Variants in PTPRT observed in about 807,000 individuals in gnomAD.
The protein encoded by PTPRT is receptor-type tyrosine-protein phosphatase T.
Under a neutral mutation model 176.8 loss-of-function variants are expected in PTPRT, and 56 were observed. The observed-to-expected ratio is 0.32, with a 90% CI of 0.26 to 0.40. The LOEUF (loss-of-function observed/expected upper bound fraction) is 0.40, where lower values mean the gene tolerates loss of function less well. Ranked by LOEUF, PTPRT falls within the 10% of genes least tolerant of loss-of-function variation. The pLI, the probability that PTPRT is intolerant of heterozygous loss-of-function variation, is 1.00. For missense variants in PTPRT, 1,540 were observed against 1,908.2 expected (o/e 0.81, Z 3.60); for synonymous variants, 783 against 739.0 (o/e 1.06, Z -0.96).
chr20:42,348,370 T>TATTTATTTA (rs2058225860), intron 11 of PTPRT, among the ~76,000 whole-genome samples: 4 of 146,618 alleles, frequency 2.7e-5, no homozygotes, highest in East Asian at 2.0e-4. Context: ...GTGACATTTC[T>TATTTATTTA]TTTATTTATT....
At chr20:43,058,043 C>T (rs1987313203) in intron 1 of PTPRT, among the ~76,000 whole-genome samples, 1 of 152,158 alleles carries the variant, frequency 6.6e-6, no homozygotes, top group African/African-American at 2.4e-5. Context: ...TTTACAGAGG[C>T]AGTGGTGTGC....
chr20:42,856,490 A>G (rs374487847), intron 2 of PTPRT, among the ~76,000 whole-genome samples: 60 of 152,252 alleles, frequency 3.9e-4, no homozygotes, highest in African/African-American at 1.3e-3. Flanking sequence ...TTGTAATCCC[A>G]GGAAAATTAA....
chr20:42,120,008 T>C (rs940733263), intron 19 of PTPRT, 37 bp from the exon 20 acceptor site: 1 of 1,576,328 alleles, frequency 6.3e-7, no homozygotes, highest in African/African-American at 1.4e-5. Context: ...AAGAGTCTGT[T>C]GTCAAAGCTT....
intron 25 of PTPRT, among the ~76,000 whole-genome samples, 185 bp from the exon 26 acceptor site, chr20:42,102,482 T>C (rs1335101493): frequency 6.6e-6 from 1 of 152,198 alleles, no homozygotes; most frequent in African/African-American, 2.4e-5. Flanking sequence ...CTCCCTGCTA[T>C]AGGGTGTGTG....
At chr20:43,053,702 C>G (rs1210591095) in intron 1 of PTPRT, among the ~76,000 whole-genome samples, 1 of 152,112 alleles carries the variant, frequency 6.6e-6, no homozygotes, top group African/African-American at 2.4e-5. Flanking sequence ...ACTGAGCTGG[C>G]CACCACCCTG....
chr20:43,143,789 C>T (rs927482891), intron 1 of PTPRT, among the ~76,000 whole-genome samples: 19 of 152,164 alleles, frequency 1.2e-4, no homozygotes, highest in Non-Finnish European at 2.5e-4. Context: ...AGGGACCTTG[C>T]TTGATGTGGG....
intron 18 of PTPRT, among the ~76,000 whole-genome samples, chr20:42,135,205 T>G (rs1600570507): frequency 6.6e-6 from 1 of 152,172 alleles, no homozygotes; most frequent in Admixed American, 6.5e-5. Context: ...CTGGGGTAGG[T>G]TACCACCTCC....
chr20:43,064,567 T>C (rs1274199108), intron 1 of PTPRT, among the ~76,000 whole-genome samples: 1 of 152,190 alleles, frequency 6.6e-6, no homozygotes, highest in African/African-American at 2.4e-5. Flanking sequence ...TTAGATCAAA[T>C]CTCACAAGTC....
At chr20:42,776,200 CCTCTATCCACCTCTATG>C (rs1223346546) in intron 4 of PTPRT, among the ~76,000 whole-genome samples, 2 of 152,202 alleles carry the variant, frequency 1.3e-5, no homozygotes, top group African/African-American at 4.8e-5. Flanking sequence ...AATCTCTGCA[CCTCTATCCACCTCTATG>C]CTCTAAGTTT....
chr20:42,605,337 AG>A (rs11476249), intron 7 of PTPRT, among the ~76,000 whole-genome samples: 41,722 of 151,930 alleles, frequency 0.27, 8,390 homozygotes, highest in African/African-American at 0.57. Context: ...TCAAAAGCCA[AG>A]GGGGGCCTGG....
At chr20:42,387,305 C>G (rs1428097199) in intron 9 of PTPRT, among the ~76,000 whole-genome samples, 1 of 152,310 alleles carries the variant, frequency 6.6e-6, no homozygotes, top group South Asian at 2.1e-4. Context: ...CCCAGAGATT[C>G]AATAAGTTAA....
chr20:42,731,882 T>C (rs1195672094), intron 6 of PTPRT, among the ~76,000 whole-genome samples: 1 of 152,198 alleles, frequency 6.6e-6, no homozygotes. Context: ...ATAAAGGTCA[T>C]CTTCCTACTC....
chr20:42,628,892 C>T (rs1294885229), intron 7 of PTPRT, among the ~76,000 whole-genome samples: 10 of 152,208 alleles, frequency 6.6e-5, no homozygotes, highest in Non-Finnish European at 1.0e-4. Context: ...TATTTACTAA[C>T]TGGCCCTTAA....
chr20:42,573,953 T>G (rs913005462), intron 7 of PTPRT, among the ~76,000 whole-genome samples: 6 of 152,056 alleles, frequency 3.9e-5, no homozygotes, highest in Admixed American at 1.3e-4. Context: ...TTTCACCATC[T>G]TGGCCAGGCT....
Position 42,478,286 on chromosome 20 carries a change from C to G in PTPRT, c.1154-5724G>C, listed in dbSNP as rs76192441. On this transcript the variant is annotated intron_variant, in intron 7 of 30. Transcript: ENST00000373187. ...TCTGTGATTATGCACATGTTAGGGA[C>G]AGGCTTGTGTTCATGCATGTGTGAC... 3.7e-4 allele frequency among the ~76,000 whole-genome samples: 57 copies of G among 152,300 alleles called. No homozygotes were observed. The East Asian group carries it at 0.01, about 27-fold the overall frequency.
At chr20:43,105,466 T>C (rs1369979295) in intron 1 of PTPRT, among the ~76,000 whole-genome samples, 2 of 152,128 alleles carry the variant, frequency 1.3e-5, no homozygotes, top group Non-Finnish European at 2.9e-5. Context: ...CATGGCACAA[T>C]CTCAGCTCAC....
the PTPRT span, among the ~76,000 whole-genome samples, chr20:42,059,572 A>C: frequency 4.4e-4 from 67 of 152,234 alleles, no homozygotes; most frequent in African/African-American, 1.5e-3. Context: ...TTATGATTGG[A>C]TGTAATAGTT....
intron 1 of PTPRT, among the ~76,000 whole-genome samples, chr20:43,083,598 A>C (rs1355221461): frequency 6.6e-6 from 1 of 151,698 alleles, no homozygotes; most frequent in South Asian, 2.1e-4. Context: ...ACCTCAAGTG[A>C]TCTGCCCACC....
At chr20:42,859,947 T>C (rs1199890791) in intron 2 of PTPRT, among the ~76,000 whole-genome samples, 1 of 152,122 alleles carries the variant, frequency 6.6e-6, no homozygotes, top group Admixed American at 6.6e-5. Context: ...AGATATAATA[T>C]TTTTCTTTAT....
Sources: allele counts gnomAD v4.1 joint callset (sites outside exome capture counted in the v4.1 genomes callset), GRCh38; gene constraint gnomAD v4.1.1; transcripts MANE v1.5; gene names NCBI Gene and HGNC (gene_info 2026-07-23, HGNC 2026-07-21).